KATNA1: variants seen among roughly 807,000 people sequenced by gnomAD.
KATNA1 encodes the protein katanin p60 ATPase-containing subunit A1.
Under a neutral mutation model 62.6 loss-of-function variants are expected in KATNA1, and 42 were observed. The observed-to-expected ratio is 0.67, with a 90% CI of 0.52 to 0.87. The LOEUF is 0.87. Among genes scored for constraint, KATNA1 ranks in the 40% least tolerant of loss-of-function variants. The pLI, the probability that KATNA1 is intolerant of heterozygous loss-of-function variation, is 0.00. For missense variants in KATNA1, 498 were observed against 612.5 expected (o/e 0.81, Z 1.97); for synonymous variants, 186 against 201.9 (o/e 0.92, Z 0.67).
intron 8 of KATNA1, among the ~76,000 whole-genome samples, 198 bp from the exon 9 acceptor site, chr6:149,597,839 A>G (rs1249902196): frequency 6.6e-6 from 1 of 152,258 alleles, no homozygotes; most frequent in African/African-American, 2.4e-5. Context: ...GTATGCAAAT[A>G]TATGACTCAA....
At chr6:149,646,880 C>T (rs1214907500) in intron 1 of KATNA1, among the ~76,000 whole-genome samples, 1 of 152,100 alleles carries the variant, frequency 6.6e-6, no homozygotes, top group Non-Finnish European at 1.5e-5. Flanking sequence ...CTTTTTTAAA[C>T]AGTCAAGTGG....
intron 5 of KATNA1, 129 bp downstream of exon 5, chr6:149,604,532 C>T: frequency 1.0e-6 from 1 of 965,402 alleles, no homozygotes; most frequent in Non-Finnish European, 1.6e-6. Context: ...GCAGGGAAGT[C>T]ATGCTCACGC....
intron 6 of KATNA1, among the ~76,000 whole-genome samples, chr6:149,602,140 G>A (rs566028406): frequency 2.0e-5 from 3 of 152,232 alleles, no homozygotes; most frequent in African/African-American, 7.2e-5. Context: ...GCCGAGGCAG[G>A]CAGATCACGA....
chr6:149,600,237 CT>C (rs1159735537), intron 7 of KATNA1, among the ~76,000 whole-genome samples: 4 of 140,218 alleles, frequency 2.9e-5, no homozygotes, highest in Non-Finnish European at 6.1e-5. Context: ...CACAATGGCT[CT>C]TGCCTGTAAT....
At chr6:149,640,407 G>A (rs147907615) in intron 1 of KATNA1, among the ~76,000 whole-genome samples, 2,263 of 151,938 alleles carry the variant, frequency 0.015, 23 homozygotes, top group Non-Finnish European at 0.023. Flanking sequence ...GCAGTAAGCC[G>A]AGATAGTGCC....
At chr6:149,625,475 A>G (rs551252614) in intron 3 of KATNA1, among the ~76,000 whole-genome samples, 2 of 152,122 alleles carry the variant, frequency 1.3e-5, no homozygotes, top group South Asian at 4.2e-4. Flanking sequence ...CTAAAAATAC[A>G]AAAAATTAGC....
intron 2 of KATNA1, among the ~76,000 whole-genome samples, chr6:149,635,768 A>G (rs903912655): frequency 2.0e-5 from 3 of 150,992 alleles, no homozygotes; most frequent in Non-Finnish European, 4.4e-5. Context: ...ACAATAAGAA[A>G]ATGGTAGGCC....
Position 149,596,273 on chromosome 6 carries a change from G to A in KATNA1, c.1277+790C>T, listed in dbSNP as rs12529619. Among the ~76,000 whole-genome samples, 4,298 of 152,246 alleles carry A rather than the reference G, an allele frequency of 0.028. 372 individuals are homozygous for A. The East Asian group carries it at 0.31, about 11-fold the overall frequency. ...TGTGGGGCCGGGCATGGTGGCTCAC[G>A]CCTGTAATCTTAGCATTTTGGGAGG... On this transcript the variant is annotated intron_variant, in intron 10 of 10. Coordinates refer to ENST00000367411, the MANE Select transcript of KATNA1 (RefSeq NM_007044.4).
intron 3 of KATNA1, among the ~76,000 whole-genome samples, chr6:149,631,121 C>T (rs1034336799): frequency 1.3e-5 from 2 of 152,054 alleles, no homozygotes; most frequent in African/African-American, 2.4e-5. Context: ...ACAACCAGGC[C>T]GGGTGTGGTG....
rs911567698 is a variant in KATNA1, at chr6:149,643,231, G to C, written c.-13-4671C>G. Among the ~76,000 whole-genome samples, 48 of 152,322 alleles carry C rather than the reference G, an allele frequency of 3.2e-4. 1 individual carries two copies. Among genetic ancestry groups the C allele is most frequent in the Middle Eastern group, 3.4e-3 (1 of 294 alleles). ...GCCAACAACCATGTGAGTGAGATCA[G>C]AAGTGAATCTTTCCTCACTAGAGCC... On this transcript the variant is annotated intron_variant, in intron 1 of 10. Coordinates refer to ENST00000367411, the MANE Select transcript of KATNA1 (RefSeq NM_007044.4).
intron 2 of KATNA1, among the ~76,000 whole-genome samples, chr6:149,633,890 A>G (rs1328407350): frequency 1.3e-5 from 2 of 151,804 alleles, no homozygotes; most frequent in African/African-American, 2.4e-5. Flanking sequence ...TGGGAGGCGG[A>G]GGTTGCGGCA....
At position 149,632,871 on chromosome 6, in the gene KATNA1, T is replaced by G. The variant is rs1345026758; in HGVS notation, c.208A>C (p.Met70Leu). 6.2e-7 allele frequency: 1 copy of G among 1,612,530 alleles called. No individual in the cohort carries two copies. The stretch of plus-strand genomic sequence containing the variant: ...AGTTTAAAGCTCTCTAGTGTTTTCA[T>G]GATATCTTTAACATGTTTAGCTTCC... ...NVEAKHVKDI[M>L]KTLESFKLDS... Residue 70 changes from methionine (M) to leucine (L), a missense_variant, in exon 3 of 11, where the codon ATG (methionine) becomes CTG (leucine). By Grantham distance (15) the Met-to-Leu change is conservative (BLOSUM62 2). Around this residue, in one of 3 missense-constraint regions of KATNA1, gnomAD observed 203 missense variants for 198.4 expected, o/e 1.02. Coordinates refer to ENST00000367411, the MANE Select transcript of KATNA1 (RefSeq NM_007044.4).
chr6:149,601,282 TATC>T (rs1486604455), intron 7 of KATNA1, among the ~76,000 whole-genome samples: 2 of 152,204 alleles, frequency 1.3e-5, no homozygotes. Context: ...ATACTGTGGT[TATC>T]ATATTATAAC....
intron 1 of KATNA1, among the ~76,000 whole-genome samples, chr6:149,642,086 A>G (rs1436986904): frequency 6.6e-6 from 1 of 152,146 alleles, no homozygotes; most frequent in East Asian, 1.9e-4. Flanking sequence ...TATTTTTAGT[A>G]GAGATGGGAT....
intron 2 of KATNA1, among the ~76,000 whole-genome samples, chr6:149,637,519 C>A (rs752872706): frequency 1.3e-5 from 2 of 151,984 alleles, no homozygotes; most frequent in Non-Finnish European, 1.5e-5. Context: ...CAAAAAATGT[C>A]AAAACCATTG....
chr6:149,644,559 TGC>T (rs1780409140), intron 1 of KATNA1, among the ~76,000 whole-genome samples: 1 of 151,938 alleles, frequency 6.6e-6, no homozygotes, highest in African/African-American at 2.4e-5. Context: ...AGGTCAAAGA[TGC>T]AATGAGCTGT....
At chr6:149,617,533 G>C (rs1211218570) in intron 4 of KATNA1, among the ~76,000 whole-genome samples, 1 of 152,222 alleles carries the variant, frequency 6.6e-6, no homozygotes, top group Non-Finnish European at 1.5e-5. Context: ...CAGGCGCAGT[G>C]GCTCACGCCT....
At chr6:149,638,730 G>GTTTTTTTTTTTT (rs1217719467) in intron 1 of KATNA1, 170 bp from the exon 2 acceptor site, 1 of 97,658 alleles carries the variant, frequency 1.0e-5, no homozygotes, top group Non-Finnish European at 1.8e-5. Context: ...AAAAAACATT[G>GTTTTTTTTTTTT]TTTTTTTTTT....
rs542897803 is a variant in KATNA1 at position 149,639,017 on chromosome 6, G to T, written c.-13-457C>A. ...GCCTCCCAAAGTGCTGGGATTACAG[G>T]CATGAGCCACCGCGCCTGGCCTCAA... On this transcript the variant is annotated intron_variant, in intron 1 of 10. Transcript: ENST00000367411. Among the ~76,000 whole-genome samples, 275 of 151,934 alleles carry T rather than the reference G, an allele frequency of 1.8e-3. 2 individuals carry two copies. Among genetic ancestry groups the T allele is most frequent in the Non-Finnish European group, 1.6e-3 (110 of 67,948 alleles).
Sources: gnomAD v4.1 joint callset for allele counts (sites outside exome capture counted in the v4.1 genomes callset) on GRCh38, gnomAD v4.1.1 for gene constraint, gnomAD v4.1.1 regional missense constraint, MANE v1.5 for transcripts, NCBI Gene and HGNC (gene_info 2026-07-23, HGNC 2026-07-21) for gene names.